ARHGAP15: variants seen among roughly 807,000 people sequenced by gnomAD.
ARHGAP15 encodes the protein rho GTPase-activating protein 15.
A neutral mutation model predicts 63.7 loss-of-function variants in ARHGAP15; 51 were observed. That is an observed-to-expected ratio of 0.80 (90% CI 0.64 to 1.01). The LOEUF (loss-of-function observed/expected upper bound fraction) is 1.01. Ranked by LOEUF, ARHGAP15 falls within the 50% of genes least tolerant of loss-of-function variation. The probability of loss-of-function intolerance (pLI) is 0.00; values close to 1 mark genes in which losing one functional copy is unlikely to be tolerated. For missense variants in ARHGAP15, 560 were observed against 564.6 expected, an observed-to-expected ratio of 0.99 and a Z score of 0.08; for synonymous variants, 191 against 193.8, an observed-to-expected ratio of 0.99 and a Z score of 0.12.
intron 5 of ARHGAP15, among the ~76,000 whole-genome samples, chr2:143,241,957 T>C (rs913858051): frequency 6.6e-6 from 1 of 152,140 alleles, no homozygotes; most frequent in African/African-American, 2.4e-5. Flanking sequence ...TGGTGAAAGC[T>C]TAAAGCAATC....
intron 6 of ARHGAP15, among the ~76,000 whole-genome samples, chr2:143,306,571 A>T (rs1683181001): frequency 6.6e-6 from 1 of 152,174 alleles, no homozygotes; most frequent in Non-Finnish European, 1.5e-5. Flanking sequence ...CAAACAAACA[A>T]AAATATTAAT....
intron 6 of ARHGAP15, among the ~76,000 whole-genome samples, chr2:143,388,477 G>A (rs1289971237): frequency 2.6e-5 from 4 of 152,172 alleles, no homozygotes; most frequent in African/African-American, 9.7e-5. Flanking sequence ...GGGTTTATGG[G>A]AGAGAGACAG....
chr2:143,291,177 C>T (rs1006324534), intron 6 of ARHGAP15, among the ~76,000 whole-genome samples: 4 of 152,100 alleles, frequency 2.6e-5, no homozygotes, highest in Admixed American at 6.6e-5. Flanking sequence ...TTGATAATTT[C>T]TATCAGAAAT....
intron 11 of ARHGAP15, among the ~76,000 whole-genome samples, chr2:143,595,307 C>T (rs1352123340): frequency 1.3e-5 from 2 of 152,048 alleles, no homozygotes; most frequent in African/African-American, 2.4e-5. Context: ...ATCAGATCCT[C>T]GGCCCTTCCT....
At chr2:143,755,432 C>G (rs528165760) in intron 13 of ARHGAP15, among the ~76,000 whole-genome samples, 1 of 152,270 alleles carries the variant, frequency 6.6e-6, no homozygotes, top group African/African-American at 2.4e-5. Context: ...TTTTACAACA[C>G]TAATTCTTCA....
intron 12 of ARHGAP15, among the ~76,000 whole-genome samples, chr2:143,700,639 C>A (rs1043503002): frequency 3.9e-5 from 6 of 151,978 alleles, no homozygotes; most frequent in Admixed American, 3.3e-4. Flanking sequence ...TGGAATCATG[C>A]CAAACTGTAC....
intron 2 of ARHGAP15, among the ~76,000 whole-genome samples, chr2:143,196,333 A>G (rs1430661870): frequency 3.9e-5 from 6 of 152,028 alleles, no homozygotes; most frequent in Non-Finnish European, 8.8e-5. Flanking sequence ...GTAGTTACAA[A>G]TCATTCCTAT....
intron 2 of ARHGAP15, among the ~76,000 whole-genome samples, chr2:143,156,044 AAT>A (rs1690065027): frequency 1.4e-5 from 2 of 146,120 alleles, no homozygotes; most frequent in Admixed American, 1.3e-4. Flanking sequence ...GAAAAAAAAA[AAT>A]CTCAAAAAAA....
chr2:143,435,808 A>AGAGG (rs1689589607), intron 7 of ARHGAP15, 109 bp downstream of exon 7: 1 of 1,090,044 alleles, frequency 9.2e-7, no homozygotes, highest in Non-Finnish European at 1.3e-6. Context: ...CTATGGACTG[A>AGAGG]GAGGGATTAA....
intron 6 of ARHGAP15, among the ~76,000 whole-genome samples, chr2:143,315,347 A>C (rs1055337265): frequency 6.6e-6 from 1 of 152,174 alleles, no homozygotes; most frequent in Non-Finnish European, 1.5e-5. Flanking sequence ...CATTTAAAAA[A>C]TTTAATTTTC....
At chr2:143,748,138 T>A (rs1686238435) in intron 13 of ARHGAP15, among the ~76,000 whole-genome samples, 1 of 152,208 alleles carries the variant, frequency 6.6e-6, no homozygotes, top group African/African-American at 2.4e-5. Context: ...AGAGGTCATG[T>A]CTTTCTTTTT....
At chr2:143,752,435 A>G (rs1686414925) in intron 13 of ARHGAP15, among the ~76,000 whole-genome samples, 1 of 152,112 alleles carries the variant, frequency 6.6e-6, no homozygotes, top group African/African-American at 2.4e-5. Context: ...TAATGTCCTA[A>G]TTCACCACCA....
chr2:143,372,011 GAAATAAATAAATAAATAAAT>G (rs10530096), intron 6 of ARHGAP15, among the ~76,000 whole-genome samples: 1 of 147,912 alleles, frequency 6.8e-6, no homozygotes, highest in Non-Finnish European at 1.5e-5. Context: ...CGAGCCTATG[GAAATAAATAAATAAATAAAT>G]AAATAAATAA....
intron 6 of ARHGAP15, among the ~76,000 whole-genome samples, chr2:143,380,804 A>G (rs1687026245): frequency 2.0e-5 from 3 of 152,306 alleles, no homozygotes; most frequent in Non-Finnish European, 4.4e-5. Flanking sequence ...TAAACTTTAC[A>G]TCAGGCTTAG....
intron 8 of ARHGAP15, among the ~76,000 whole-genome samples, chr2:143,466,627 G>A (rs184999778): frequency 7.9e-5 from 12 of 152,132 alleles, no homozygotes; most frequent in African/African-American, 2.9e-4. Flanking sequence ...TATTCTCTGG[G>A]TAATTCCATC....
chr2:143,407,089 T>C (rs905144239), intron 6 of ARHGAP15, among the ~76,000 whole-genome samples: 3 of 151,976 alleles, frequency 2.0e-5, no homozygotes, highest in Admixed American at 6.6e-5. Flanking sequence ...GGGCTACCAT[T>C]TATTCATGCT....
chr2:143,523,576 T>C (rs1051615875), intron 10 of ARHGAP15, among the ~76,000 whole-genome samples: 1 of 152,160 alleles, frequency 6.6e-6, no homozygotes, highest in African/African-American at 2.4e-5. Flanking sequence ...TTTTGCCAAA[T>C]AGATATTTTA....
At chr2:143,504,674 C>T (rs1197335490) in intron 9 of ARHGAP15, among the ~76,000 whole-genome samples, 1 of 152,194 alleles carries the variant, frequency 6.6e-6, no homozygotes, top group Non-Finnish European at 1.5e-5. Flanking sequence ...GTGTGTTGCA[C>T]AATTTGATGA....
chr2:143,130,116 G>A (rs963560637), intron 1 of ARHGAP15, among the ~76,000 whole-genome samples: 1 of 152,050 alleles, frequency 6.6e-6, no homozygotes, highest in African/African-American at 2.4e-5. Flanking sequence ...AGAAGTCACA[G>A]CTGATTTCAT....
Sources: gnomAD v4.1 joint callset for allele counts (sites outside exome capture counted in the v4.1 genomes callset) on GRCh38, gnomAD v4.1.1 for gene constraint, MANE v1.5 for transcripts, NCBI Gene and HGNC (gene_info 2026-07-23, HGNC 2026-07-21) for gene names.